The following ARL15 variants were observed in gnomAD, a reference collection of about 807,000 sequenced individuals.
ARL15 encodes ADP-ribosylation factor-like protein 15.
In ARL15, 19 loss-of-function variants were observed where a neutral mutation model predicts 25.2. That is an observed-to-expected ratio of 0.75 (90% confidence interval 0.53 to 1.10). The LOEUF (loss-of-function observed/expected upper bound fraction) is 1.10. ARL15 is among the 50% of genes least tolerant of loss of function. The pLI, the probability that ARL15 is intolerant of heterozygous loss-of-function variation, is 0.00. For synonymous variants in ARL15, 94 were observed against 86.8 expected (o/e 1.08, Z -0.46); for missense variants, 220 against 246.0 (o/e 0.89, Z 0.71).
intron 4 of ARL15, among the ~76,000 whole-genome samples, chr5:54,069,767 G>A (rs537208220): frequency 6.6e-6 from 1 of 151,446 alleles, no homozygotes; most frequent in Non-Finnish European, 1.5e-5. Context: ...CCTGCCTCCT[G>A]GATTCAAGCA....
At chr5:54,116,894 A>G (rs1347535701) in intron 3 of ARL15, among the ~76,000 whole-genome samples, 1 of 152,202 alleles carries the variant, frequency 6.6e-6, no homozygotes, top group African/African-American at 2.4e-5. Flanking sequence ...CTAAATAAAG[A>G]ACTATATTAC....
rs1230712822 is a variant in ARL15, at chr5:54,310,527, GC to G, written c.-49del. On this transcript the variant is annotated 5_prime_UTR_variant, in exon 1 of 5. Coordinates refer to ENST00000504924, the MANE Select transcript of ARL15 (RefSeq NM_019087.3). ...ACGGCTCCGAACCCGGAAAAAAAAAGCAGCGTCTCTGGCTGCGAGCGAGCAG... is the reference window on the plus strand; with the variant it reads ...ACGGCTCCGAACCCGGAAAAAAAAAGAGCGTCTCTGGCTGCGAGCGAGCAG... The G allele has an allele frequency of 6.4e-7, 1 of 1,557,976 alleles. No individual in the cohort carries two copies. The highest frequency in any genetic ancestry group is 8.7e-7 in the Non-Finnish European group (1 of 1,150,044).
At chr5:53,937,973 G>C (rs998099015) in intron 4 of ARL15, among the ~76,000 whole-genome samples, 2 of 152,052 alleles carry the variant, frequency 1.3e-5, no homozygotes, top group African/African-American at 4.8e-5. Context: ...TCATGTCAAC[G>C]TCATATCTGT....
At chr5:54,108,097 T>A (rs544879085) in intron 4 of ARL15, among the ~76,000 whole-genome samples, 1 of 152,274 alleles carries the variant, frequency 6.6e-6, no homozygotes, top group East Asian at 1.9e-4. Flanking sequence ...GCTTAAAAGT[T>A]GCTCTTCAAA....
chr5:54,249,673 A>G (rs891857698), intron 1 of ARL15, among the ~76,000 whole-genome samples: 5 of 78,816 alleles, frequency 6.3e-5, no homozygotes, highest in Admixed American at 2.3e-4. Flanking sequence ...GGTTAAGAGC[A>G]AAAAAAAAAA....
chr5:54,290,304 CTTTT>C (rs34445601), intron 1 of ARL15, among the ~76,000 whole-genome samples: 1 of 140,004 alleles, frequency 7.1e-6, no homozygotes, highest in Non-Finnish European at 1.6e-5. Context: ...ATCACTCAAC[CTTTT>C]TTTTTTTTTT....
At chr5:54,110,382 A>G (rs2112208678) in intron 4 of ARL15, among the ~76,000 whole-genome samples, 1 of 152,138 alleles carries the variant, frequency 6.6e-6, no homozygotes, top group South Asian at 2.1e-4. Flanking sequence ...GTGACAGGAT[A>G]AATTATTGCA....
chr5:53,920,451 C>A (rs1191248813), intron 4 of ARL15, among the ~76,000 whole-genome samples: 3 of 151,932 alleles, frequency 2.0e-5, no homozygotes, highest in African/African-American at 7.3e-5. Context: ...AGTCACTGAG[C>A]AACTGCCAAA....
chr5:53,915,517 G>A (rs1360041021), intron 4 of ARL15, among the ~76,000 whole-genome samples: 1 of 152,144 alleles, frequency 6.6e-6, no homozygotes, highest in Non-Finnish European at 1.5e-5. Context: ...CATAGCAAAA[G>A]AAGCTTTAAA....
At chr5:54,227,145 A>C (rs1208005319) in intron 1 of ARL15, among the ~76,000 whole-genome samples, 1 of 152,198 alleles carries the variant, frequency 6.6e-6, no homozygotes, top group Non-Finnish European at 1.5e-5. Context: ...CTAATACACT[A>C]TTTCAAACAA....
intron 4 of ARL15, among the ~76,000 whole-genome samples, chr5:54,012,805 T>A (rs1054665604): frequency 6.6e-6 from 1 of 150,954 alleles, no homozygotes; most frequent in African/African-American, 2.4e-5. Context: ...ATTATAGGTG[T>A]GAGCCACCAC....
Position 54,211,057 on chromosome 5 carries a change from C to T in ARL15, c.49-39129G>A, listed in dbSNP as rs577491679. 1.3e-4 allele frequency among the ~76,000 whole-genome samples: 20 copies of T among 152,226 alleles called. 1 individual carries two copies. The South Asian group carries it at 3.1e-3, about 24-fold the overall frequency. ...TAAGATGTTATATCTTTACACAAAA[C>T]GAAACTAGGATTATTTTTATTGTTC... On this transcript the variant is annotated intron_variant, in intron 1 of 4. Transcript: ENST00000504924.
At chr5:54,056,967 C>T (rs1290959466) in intron 4 of ARL15, among the ~76,000 whole-genome samples, 1 of 151,702 alleles carries the variant, frequency 6.6e-6, no homozygotes, top group East Asian at 1.9e-4. Flanking sequence ...TACACATGTG[C>T]ACATACATGA....
At chr5:53,969,919 CT>C (rs1747681269) in intron 4 of ARL15, among the ~76,000 whole-genome samples, 1 of 152,104 alleles carries the variant, frequency 6.6e-6, no homozygotes, top group African/African-American at 2.4e-5. Flanking sequence ...TTAAGATAAA[CT>C]TTGCATTTAC....
chr5:54,019,865 T>G (rs1367025618), intron 4 of ARL15, among the ~76,000 whole-genome samples: 1 of 152,248 alleles, frequency 6.6e-6, no homozygotes, highest in African/African-American at 2.4e-5. Context: ...ATACTTTCAC[T>G]GCTTTTCACA....
chr5:54,201,186 A>G (rs1755713149), intron 1 of ARL15, among the ~76,000 whole-genome samples: 1 of 152,034 alleles, frequency 6.6e-6, no homozygotes, highest in Admixed American at 6.6e-5. Flanking sequence ...TCTATAATGA[A>G]TCACTTTTAG....
intron 4 of ARL15, among the ~76,000 whole-genome samples, chr5:54,044,772 A>G (rs897018062): frequency 2.6e-5 from 4 of 152,212 alleles, no homozygotes; most frequent in Non-Finnish European, 5.9e-5. Flanking sequence ...TGACCATTAC[A>G]TTTTAAAAAT....
At chr5:54,170,514 C>T (rs570975195) in intron 2 of ARL15, among the ~76,000 whole-genome samples, 7 of 152,292 alleles carry the variant, frequency 4.6e-5, no homozygotes, top group Middle Eastern at 3.4e-3. Context: ...AATTTGTCTC[C>T]TGGCACTCTA....
At chr5:54,112,262 G>A (rs917900302) in intron 4 of ARL15, among the ~76,000 whole-genome samples, 2 of 152,106 alleles carry the variant, frequency 1.3e-5, no homozygotes, top group African/African-American at 4.8e-5. Context: ...TCTCATTTTA[G>A]AGGTGAGAAG....
Sources: allele counts gnomAD v4.1 joint callset (sites outside exome capture counted in the v4.1 genomes callset), GRCh38; gene constraint gnomAD v4.1.1; transcripts MANE v1.5; gene names NCBI Gene and HGNC (gene_info 2026-07-23, HGNC 2026-07-21).